Variants in BTN2A1 observed in about 807,000 individuals in gnomAD.
BTN2A1 encodes butyrophilin, subfamily 2, member A1.
Under a neutral mutation model 34.5 loss-of-function variants are expected in BTN2A1, and 41 were observed. The observed-to-expected ratio is 1.19, with a 90% CI of 0.93 to 1.54. The LOEUF is 1.54. Among genes scored for constraint, BTN2A1 ranks in the 40% most tolerant of loss-of-function variants. BTN2A1 has a pLI of 0.00. For missense variants in BTN2A1, 642 were observed against 662.0 expected (o/e 0.97, Z 0.33); for synonymous variants, 267 against 258.6 (o/e 1.03, Z -0.31).
rs114905060 is a variant in BTN2A1 at position 26,467,759 on chromosome 6, C to T, written c.983-189C>T. The T allele has an allele frequency of 9.0e-4, 1,418 of 1,582,684 alleles. 9 individuals are homozygous for T. In the African/African-American group the frequency reaches 0.017, roughly 19 times the overall value. On this transcript the variant is annotated intron_variant, in intron 7 of 7. Coordinates refer to ENST00000312541, the MANE Select transcript of BTN2A1 (RefSeq NM_007049.5). ...CAAACTGAGAGAACTGCTTCTGTCT[C>T]TGGAGAGACAGAAGTGCAGCTTCAG...
Position 26,468,516 on chromosome 6 carries a change from A to G in BTN2A1, c.1551A>G (p.Thr517=). The change falls in exon 8 of 8, where the codon ACA becomes ACG. Residue 517 remains threonine (T), a synonymous_variant. Transcript: ENST00000312541. ...TCACGGTGCCTGAAGAGGGCCTGAC[A>G]CTTCACAGAGTGGGGACCCACCAGA... The part of the protein sequence containing the change: ...NGVTVPEEGL[T]LHRVGTHQSL The G allele has an allele frequency of 1.9e-6, 3 of 1,614,164 alleles. No individual in the cohort carries two copies. Among genetic ancestry groups the G allele is most frequent in the Middle Eastern group, 1.6e-4 (1 of 6,062 alleles).
chr6:26,465,976 A>G lies in BTN2A1; in HGVS notation c.955+3A>G. 1 of 1,614,240 alleles carries G rather than the reference A, an allele frequency of 6.2e-7. No homozygotes were observed. The highest frequency in any genetic ancestry group is 8.5e-7 in the Non-Finnish European group (1 of 1,180,028). On this transcript the variant is annotated splice_donor_region_variant and intron_variant, in intron 6 of 7. Coordinates refer to ENST00000312541, the MANE Select transcript of BTN2A1 (RefSeq NM_007049.5). ...AGAGAAACTTCAAGAAGAATTGCGT[A>G]AGTTTAGCCTTTCCTTAACTACATG...
Position 26,463,295 on chromosome 6 carries a change from TC to T in BTN2A1, c.484del (p.Arg162GlyfsTer28). ...ATGAGGGGCCATGAAGACGGGGGCA[TC>T]CGGCTGGAGTGCATATCTAGAGGGT... ...ISMRGHEDGG[I>X]RLECISRGWY... On this transcript the variant is annotated frameshift_variant, in exon 4 of 8. Transcript: ENST00000312541. LOFTEE classifies it high-confidence loss of function. 1 of 1,613,598 alleles carries T rather than the reference TC, an allele frequency of 6.2e-7. No individual in the cohort carries two copies.
rs1293870529 is a variant in BTN2A1, at chr6:26,458,695, T to A, written c.59T>A (p.Leu20His). ...CCAGCCTCCCTCCTCCTCCTCCTCCTCAGCCTGTGTGCACTGGTCTCAGGT... is the reference window on the plus strand; with the variant it reads ...CCAGCCTCCCTCCTCCTCCTCCTCCACAGCCTGTGTGCACTGGTCTCAGGT... ...SRPASLLLLL[L>H]SLCALVSAQF... is the part of the protein sequence containing the mutation. Residue 20 changes from leucine (L) to histidine (H), a missense_variant, in exon 2 of 8, where the codon CTC (leucine) becomes CAC (histidine). Coordinates refer to ENST00000312541, the MANE Select transcript of BTN2A1 (RefSeq NM_007049.5). The A allele has an allele frequency of 6.2e-7, 1 of 1,613,994 alleles. No individual in the cohort carries two copies. Among genetic ancestry groups the A allele is most frequent in the African/African-American group, 1.3e-5 (1 of 74,914 alleles).
At chr6:26,467,363 G>A (rs968577567) in intron 7 of BTN2A1, among the ~76,000 whole-genome samples, 1 of 152,224 alleles carries the variant, frequency 6.6e-6, no homozygotes, top group Admixed American at 6.5e-5. Context: ...CCAGGCTGGA[G>A]TGCCATGGCA....
intron 3 of BTN2A1, among the ~76,000 whole-genome samples, chr6:26,461,164 G>A (rs549816229): frequency 6.6e-6 from 1 of 152,186 alleles, no homozygotes; most frequent in East Asian, 1.9e-4. Context: ...TCATGACTGT[G>A]TTCATAGCAG....
chr6:26,469,345 C>A lies in BTN2A1; in HGVS notation c.*796C>A. ...CAGTGGGGACACCAGTGGCTTCAAA[C>A]TTCCTGGTTTCATGATATCTTGAGA... On this transcript the variant is annotated 3_prime_UTR_variant, in exon 8 of 8. Transcript: ENST00000312541. The A allele has an allele frequency of 1.0e-6, 1 of 986,020 alleles. No individual in the cohort carries two copies. The highest frequency in any genetic ancestry group is 1.2e-6 in the Non-Finnish European group (1 of 830,402). 61.1% of individuals were successfully genotyped at this position (986,020 alleles called of 1,614,324 possible).
exon 8 of BTN2A1, chr6:26,476,166 T>A (rs1353966942): frequency 6.5e-7 from 1 of 1,536,556 alleles, no homozygotes; most frequent in South Asian, 1.2e-5. Flanking sequence ...CTTAGGGTGG[T>A]GAGTGGGTGC....
In BTN2A1 at chr6:26,465,198, C is replaced by T. The variant is rs150961762; in HGVS notation, c.726C>T (p.Pro242=). ...CTGCCTTTTCAGAATCCTTTATGCC[C>T]AGTGTGTCTCCCTGTGCAGTGGCCC... The part of the protein sequence containing the change: ...SVIFIPESFM[P]SVSPCAVALP... Residue 242 remains proline (P), a synonymous_variant, in exon 5 of 8, where the codon CCC becomes CCT. Coordinates refer to ENST00000312541, the MANE Select transcript of BTN2A1 (RefSeq NM_007049.5). 2 of 1,613,776 alleles carry T rather than the reference C, an allele frequency of 1.2e-6. No individual in the cohort carries two copies. The highest frequency in any genetic ancestry group is 2.7e-5 in the African/African-American group (2 of 74,908).
At chr6:26,458,481 C>T in intron 1 of BTN2A1, 126 bp from the exon 2 acceptor site, 1 of 745,868 alleles carries the variant, frequency 1.3e-6, no homozygotes, top group Non-Finnish European at 2.4e-6. Context: ...ATACCTGAGC[C>T]TTCGGATGCA....
chr6:26,467,591 C>T lies in BTN2A1; in HGVS notation c.983-357C>T, dbSNP rs1253858471. 4.8e-5 allele frequency: 47 copies of T among 985,198 alleles called. No homozygotes were observed. The Admixed American group carries it at 1.4e-3, about 29-fold the overall frequency. 61.0% of individuals were successfully genotyped at this position (985,198 alleles called of 1,614,324 possible). On this transcript the variant is annotated intron_variant, in intron 7 of 7. Coordinates refer to ENST00000312541, the MANE Select transcript of BTN2A1 (RefSeq NM_007049.5). Reference sequence around the variant, plus strand: ...CCTCCCAAAGTTCTGGGATTACAGGCGTGAGTCACCACGCCTGGCCAGAGA... The same window carrying T: ...CCTCCCAAAGTTCTGGGATTACAGGTGTGAGTCACCACGCCTGGCCAGAGA...
Position 26,465,170 on chromosome 6 carries a change from T to TAAA in BTN2A1, c.713-15_713-14insAAA. ...CTGTTTCAAACTAAGTGGATATTTC[T>TAAA]GGCTGCCTTTTCAGAATCCTTTATG... On this transcript the variant is annotated splice_polypyrimidine_tract_variant and intron_variant, in intron 4 of 7. Transcript: ENST00000312541. 1 of 1,608,504 alleles carries TAAA rather than the reference T, an allele frequency of 6.2e-7. No individual in the cohort carries two copies. The highest frequency in any genetic ancestry group is 2.2e-5 in the East Asian group (1 of 44,848).
chr6:26,470,751 TG>T (rs2113869790), downstream of BTN2A1, among the ~76,000 whole-genome samples: 1 of 152,326 alleles, frequency 6.6e-6, no homozygotes, highest in East Asian at 1.9e-4. Flanking sequence ...CTTTGGTCTT[TG>T]GGACTTATAC....
rs563386235 is a variant in BTN2A1, at chr6:26,461,823, C to T, written c.431-1421C>T. ...AATAAATAAATAAATAAAAATAAGC[C>T]TGGGCAACATGGCAAAATCCAGTCT... On this transcript the variant is annotated intron_variant, in intron 3 of 7. Coordinates refer to ENST00000312541, the MANE Select transcript of BTN2A1 (RefSeq NM_007049.5). 2.0e-5 allele frequency among the ~76,000 whole-genome samples: 3 copies of T among 151,580 alleles called. No individual in the cohort carries two copies. In the South Asian group the frequency reaches 6.3e-4, roughly 32 times the overall value.
chr6:26,459,325 C>T (rs951869626), intron 2 of BTN2A1, among the ~76,000 whole-genome samples, 156 bp from the exon 3 acceptor site: 1 of 152,154 alleles, frequency 6.6e-6, no homozygotes, highest in East Asian at 1.9e-4. Context: ...GGGGTGCTGT[C>T]GACTAGCCAC....
intron 7 of BTN2A1, among the ~76,000 whole-genome samples, chr6:26,467,322 T>G (rs573387870): frequency 8.5e-5 from 13 of 152,164 alleles, no homozygotes; most frequent in Non-Finnish European, 1.5e-4. Context: ...TTTGTTTTGT[T>G]TTGTTTTGAG....
downstream of BTN2A1, among the ~76,000 whole-genome samples, chr6:26,474,344 T>C (rs200473236): frequency 6.6e-6 from 1 of 152,186 alleles, no homozygotes; most frequent in Non-Finnish European, 1.5e-5. Flanking sequence ...GTCACTTCCC[T>C]TGTGGAATGG....
At chr6:26,461,577 G>T (rs1472388681) in intron 3 of BTN2A1, among the ~76,000 whole-genome samples, 2 of 152,266 alleles carry the variant, frequency 1.3e-5, no homozygotes, top group East Asian at 3.9e-4. Flanking sequence ...GAGGTCAGGC[G>T]CTGGAGACCA....
chr6:26,464,313 C>G (rs1264892127), intron 4 of BTN2A1, among the ~76,000 whole-genome samples: 1 of 152,176 alleles, frequency 6.6e-6, no homozygotes, highest in Non-Finnish European at 1.5e-5. Context: ...AAACACTGTT[C>G]TACCAAGGGT....
Sources: allele counts gnomAD v4.1 joint callset (sites outside exome capture counted in the v4.1 genomes callset), GRCh38; gene constraint gnomAD v4.1.1; transcripts MANE v1.5; gene names NCBI Gene and HGNC (gene_info 2026-07-23, HGNC 2026-07-21).